The following CCDC180 variants were observed in gnomAD, a reference collection of about 807,000 sequenced individuals.
CCDC180 encodes coiled-coil domain containing 180, also known as coiled-coil domain-containing protein 180.
In CCDC180, 154 loss-of-function variants were observed where a neutral mutation model predicts 209.2. That is an observed-to-expected ratio of 0.74 (90% CI 0.65 to 0.84). The LOEUF is 0.84. Among genes scored for constraint, CCDC180 ranks in the 40% least tolerant of loss-of-function variants. The probability of loss-of-function intolerance (pLI) is 0.00; values close to 1 mark genes in which losing one functional copy is unlikely to be tolerated. For synonymous variants in CCDC180, 778 were observed against 749.1 expected, an observed-to-expected ratio of 1.04 and a Z score of -0.63; for missense variants, 1,874 against 1,997.3, an observed-to-expected ratio of 0.94 and a Z score of 1.18.
At chr9:97,363,489 G>A in intron 28 of CCDC180, 1 of 438,696 alleles carries the variant, frequency 2.3e-6, no homozygotes, top group Non-Finnish European at 4.9e-6. Context: ...CTGTTTACAT[G>A]TTCAGTCTCT....
chr9:97,320,372 G>A (rs913114081), intron 11 of CCDC180, among the ~76,000 whole-genome samples, 167 bp downstream of exon 11: 10 of 152,092 alleles, frequency 6.6e-5, no homozygotes, highest in African/African-American at 2.4e-4. Context: ...TCCCTTCTAA[G>A]GCCTCCCCTC....
chr9:97,312,211 C>T lies in CCDC180; in HGVS notation c.349+10C>T. 1 of 1,612,186 alleles carries T rather than the reference C, an allele frequency of 6.2e-7. No homozygotes were observed. On this transcript the variant is annotated intron_variant, in intron 4 of 36. Transcript: ENST00000529487. ...CTCATGGATACTATAGGTGAGCCTC[C>T]ATTCAGCCTCAAGGCAGGCCTGTCC...
Position 97,307,675 on chromosome 9 carries a change from T to C in CCDC180, c.-213T>C. 1 of 1,543,902 alleles carries C rather than the reference T, an allele frequency of 6.5e-7. No individual in the cohort carries two copies. The highest frequency in any genetic ancestry group is 8.9e-7 in the Non-Finnish European group (1 of 1,119,980). On this transcript the variant is annotated 5_prime_UTR_variant, in exon 1 of 37. Transcript: ENST00000529487. Reference sequence around the variant, plus strand: ...CGACACCTTGAGCGCCGTTAACTTTTCCCCGAAGAGCATGGCAGAGTGAAG... The same window carrying C: ...CGACACCTTGAGCGCCGTTAACTTTCCCCCGAAGAGCATGGCAGAGTGAAG...
At chr9:97,315,885 C>T (rs1833156022) in intron 8 of CCDC180, among the ~76,000 whole-genome samples, 2 of 152,222 alleles carry the variant, frequency 1.3e-5, no homozygotes, top group Admixed American at 6.5e-5. Flanking sequence ...CCTCCACTTA[C>T]GATAGGGTCA....
intron 10 of CCDC180, among the ~76,000 whole-genome samples, chr9:97,319,130 G>C (rs543843672): frequency 6.6e-6 from 1 of 152,266 alleles, no homozygotes; most frequent in East Asian, 1.9e-4. Context: ...GAGTTGGCCT[G>C]CTTAGTCTGA....
chr9:97,352,810 A>T (rs576762507), intron 22 of CCDC180, among the ~76,000 whole-genome samples: 1 of 152,174 alleles, frequency 6.6e-6, no homozygotes, highest in Non-Finnish European at 1.5e-5. Flanking sequence ...GCTTCATTCT[A>T]GCTAATTTCT....
intron 30 of CCDC180, 57 bp downstream of exon 30, chr9:97,365,796 A>C: frequency 2.0e-6 from 3 of 1,506,004 alleles, no homozygotes; most frequent in Non-Finnish European, 1.8e-6. Flanking sequence ...TGCCTTCTGC[A>C]GTCTGCTGAT....
chr9:97,335,863 T>G (rs991211896), intron 18 of CCDC180, among the ~76,000 whole-genome samples: 24 of 152,160 alleles, frequency 1.6e-4, no homozygotes, highest in African/African-American at 5.8e-4. Context: ...TTTTAATGAT[T>G]GCCATTCTAA....
In CCDC180 at chr9:97,326,601, A is replaced by G. The variant is rs1217505651; in HGVS notation, c.1593A>G (p.Gln531=). 1.2e-6 allele frequency: 2 copies of G among 1,614,100 alleles called. No individual in the cohort carries two copies. Among genetic ancestry groups the G allele is most frequent in the Admixed American group, 1.7e-5 (1 of 60,018 alleles). The change falls in exon 15 of 37, where the codon CAA becomes CAG. Residue 531 remains glutamine, a synonymous_variant. Transcript: ENST00000529487. ...GGCTCTTGGACCAACTGAGGCAGCA[A>G]AGTGACAAAGAAACACTGGCGTTTC... ...LDRLLDQLRQ[Q]SDKETLAFHL... is the part of the protein sequence containing the mutation.
At chr9:97,322,301 A>C (rs1833382261) in intron 11 of CCDC180, among the ~76,000 whole-genome samples, 1 of 151,994 alleles carries the variant, frequency 6.6e-6, no homozygotes, top group African/African-American at 2.4e-5. Flanking sequence ...CCACCACAAA[A>C]TCTCTGTGTG....
intron 25 of CCDC180, 88 bp downstream of exon 25, chr9:97,357,813 G>T: frequency 9.0e-7 from 1 of 1,109,028 alleles, no homozygotes; most frequent in South Asian, 1.4e-5. Context: ...TGTGTGTATA[G>T]GATTTCTCCA....
chr9:97,371,598 T>C lies in CCDC180; in HGVS notation c.4492T>C (p.Cys1498Arg). Residue 1498 changes from cysteine to arginine, a missense_variant, in exon 34 of 37, where the codon TGT (cysteine) becomes CGT (arginine). By Grantham distance (180) the Cys-to-Arg change is radical. Coordinates refer to ENST00000529487, the MANE Select transcript of CCDC180 (RefSeq NM_020893.6). ...GTGCTCACCATGTTTTTTCCAGGAATGTACCAGAAGGAATGGCCAGGTTTT... is the reference window on the plus strand; with the variant it reads ...GTGCTCACCATGTTTTTTCCAGGAACGTACCAGAAGGAATGGCCAGGTTTT... ...IRMNKEKLEE[C>R]TRRNGQVFIT... 6.3e-7 allele frequency: 1 copy of C among 1,597,954 alleles called. No homozygotes were observed. Among genetic ancestry groups the C allele is most frequent in the Non-Finnish European group, 8.6e-7 (1 of 1,166,780 alleles).
intron 20 of CCDC180, 159 bp downstream of exon 20, chr9:97,347,648 C>T: frequency 1.5e-6 from 1 of 652,630 alleles, no homozygotes; most frequent in East Asian, 2.9e-5. Context: ...GTTCGCACCT[C>T]TGAGGCTTGC....
rs543252776 is a variant in CCDC180 at position 97,338,263 on chromosome 9, A to G, written c.2275-5077A>G. Among the ~76,000 whole-genome samples, 10 of 152,256 alleles carry G rather than the reference A, an allele frequency of 6.6e-5. 1 individual carries two copies. In the South Asian group the frequency reaches 8.3e-4, roughly 13 times the overall value. On this transcript the variant is annotated intron_variant, in intron 18 of 36. Transcript: ENST00000529487. ...TTTTAATTGTGATGTTAGGGTGTCA[A>G]TTTTAGATCTTTCATGCTTTCTCTT...
rs1827239145 is a variant in CCDC180 at position 97,375,758 on chromosome 9, C to T, written c.4842+169C>T. On this transcript the variant is annotated intron_variant, in intron 36 of 36. Transcript: ENST00000529487. ...CTCAACACTCAGGACAGTCACCATT[C>T]ACAGGCACGAGGACATTAATGTGGG... The T allele has an allele frequency of 5.3e-6, 4 of 753,024 alleles. 1 individual carries two copies. The highest frequency in any genetic ancestry group is 2.7e-5 in the Admixed American group (1 of 36,462). 46.6% of individuals were successfully genotyped at this position (753,024 alleles called of 1,614,324 possible). A position where few individuals can be genotyped will look rare whatever the true frequency, so the allele number is the denominator to read the frequency against.
intron 24 of CCDC180, among the ~76,000 whole-genome samples, chr9:97,356,822 C>T (rs1386504272): frequency 1.3e-5 from 2 of 152,192 alleles, no homozygotes; most frequent in African/African-American, 2.4e-5. Context: ...AAATACAAAA[C>T]AGAGAGTAAA....
intron 25 of CCDC180, chr9:97,357,949 T>C (rs1485520005): frequency 2.2e-6 from 1 of 448,852 alleles, no homozygotes; most frequent in African/African-American, 2.0e-5. Flanking sequence ...CAGGCAAGCA[T>C]GGAGCAGCGT....
At chr9:97,375,693 C>T in intron 36 of CCDC180, 104 bp downstream of exon 36, 1 of 1,410,730 alleles carries the variant, frequency 7.1e-7, no homozygotes, top group Non-Finnish European at 9.8e-7. Context: ...TTGGCTGGTG[C>T]AGCAGGCAAC....
chr9:97,323,653 ATGGGGTGCAG>A, intron 12 of CCDC180, 118 bp from the exon 13 acceptor site: 1 of 1,140,546 alleles, frequency 8.8e-7, no homozygotes, highest in East Asian at 2.7e-5. Flanking sequence ...AACAGAATTC[ATGGGGTGCAG>A]GGCCCTTCAC....
Sources: gnomAD v4.1 joint callset for allele counts (sites outside exome capture counted in the v4.1 genomes callset) on GRCh38, gnomAD v4.1.1 for gene constraint, MANE v1.5 for transcripts, NCBI Gene and HGNC (gene_info 2026-07-23, HGNC 2026-07-21) for gene names.